Variants in KIF6 observed in about 807,000 individuals in gnomAD.
KIF6 encodes the protein kinesin family member 6.
Under a neutral mutation model 112.7 loss-of-function variants are expected in KIF6, and 106 were observed. That is an observed-to-expected ratio of 0.94 (90% CI 0.80 to 1.11). The LOEUF (loss-of-function observed/expected upper bound fraction) is 1.11, where lower values mean the gene tolerates loss of function less well. KIF6 is among the 50% of genes least tolerant of loss of function. The pLI is 0.00. For synonymous variants in KIF6, 339 were observed against 339.9 expected (o/e 1.00, Z 0.03); for missense variants, 929 against 964.0 (o/e 0.96, Z 0.48).
At chr6:39,635,076 T>C in intron 4 of KIF6, 118 bp from the exon 5 acceptor site, 2 of 637,622 alleles carry the variant, frequency 3.1e-6, no homozygotes, top group South Asian at 4.0e-5. Flanking sequence ...TCTCACTTTA[T>C]ATGGTTTACA....
chr6:39,609,360 G>A (rs937975009), intron 6 of KIF6, among the ~76,000 whole-genome samples: 2 of 152,112 alleles, frequency 1.3e-5, no homozygotes, highest in Non-Finnish European at 2.9e-5. Flanking sequence ...CACAGCAAAT[G>A]TTTTATACCA....
intron 10 of KIF6, among the ~76,000 whole-genome samples, chr6:39,559,334 C>T (rs985076379): frequency 6.6e-6 from 1 of 152,094 alleles, no homozygotes; most frequent in Non-Finnish European, 1.5e-5. Context: ...CTCCCCTCTT[C>T]AGGTGGTGTG....
Position 39,343,414 on chromosome 6 carries a change from C to A in KIF6, c.2428+295G>T. 1 of 1,371,684 alleles carries A rather than the reference C, an allele frequency of 7.3e-7. No homozygotes were observed. Among genetic ancestry groups the A allele is most frequent in the Non-Finnish European group, 9.6e-7 (1 of 1,042,422 alleles). The allele number at this position is 1,371,684 out of a possible 1,614,324, so 85.0% of individuals were successfully genotyped here. ...CAGAGGAGACAGCTGACTTTGGGAACAGAGAACAAAGGAGCTGAAGATCTG... is the reference window on the plus strand; with the variant it reads ...CAGAGGAGACAGCTGACTTTGGGAAAAGAGAACAAAGGAGCTGAAGATCTG... On this transcript the variant is annotated intron_variant, in intron 22 of 22. Transcript: ENST00000287152. The surrounding 1 kb of genome is among the most constrained non-coding windows in gnomAD (Gnocchi z 4.1).
chr6:39,693,226 G>A (rs1039362747), intron 3 of KIF6, among the ~76,000 whole-genome samples: 1 of 152,212 alleles, frequency 6.6e-6, no homozygotes, highest in Non-Finnish European at 1.5e-5. Flanking sequence ...CAAATCCAGA[G>A]ATATTAAGAC....
chr6:39,369,128 T>C (rs1400918274), intron 16 of KIF6, among the ~76,000 whole-genome samples: 2 of 152,232 alleles, frequency 1.3e-5, no homozygotes, highest in Admixed American at 6.5e-5. Context: ...CATAGCTCAA[T>C]TACCACAATG....
At chr6:39,562,231 T>C (rs950374853) in intron 10 of KIF6, among the ~76,000 whole-genome samples, 2 of 152,224 alleles carry the variant, frequency 1.3e-5, no homozygotes, top group African/African-American at 4.8e-5. Context: ...CTGGTTAATA[T>C]ACTTCTAACA....
At chr6:39,532,542 TG>T (rs1024374730) in intron 13 of KIF6, among the ~76,000 whole-genome samples, 1 of 152,180 alleles carries the variant, frequency 6.6e-6, no homozygotes, top group African/African-American at 2.4e-5. Context: ...TCACAATAAG[TG>T]GTAAAAACAG....
At chr6:39,339,682 C>T (rs547545070) in intron 22 of KIF6, among the ~76,000 whole-genome samples, 1 of 151,788 alleles carries the variant, frequency 6.6e-6, no homozygotes, top group African/African-American at 2.4e-5. Flanking sequence ...AAAAACTGTC[C>T]TTGGCAGTTG....
intron 15 of KIF6, among the ~76,000 whole-genome samples, chr6:39,414,432 G>A (rs1301494198): frequency 6.6e-6 from 1 of 152,184 alleles, no homozygotes; most frequent in African/African-American, 2.4e-5. Context: ...GTGGGACACT[G>A]AATCCTACCA....
intron 13 of KIF6, among the ~76,000 whole-genome samples, chr6:39,520,435 A>T (rs899872729): frequency 6.6e-6 from 1 of 152,236 alleles, no homozygotes; most frequent in African/African-American, 2.4e-5. Flanking sequence ...CACAACACAC[A>T]ATTCTCTGAG....
chr6:39,718,808 T>C (rs559984214), intron 2 of KIF6, among the ~76,000 whole-genome samples: 1 of 150,024 alleles, frequency 6.7e-6, no homozygotes, highest in Non-Finnish European at 1.5e-5. Flanking sequence ...AAGGATATAA[T>C]GAAAGACAAT....
intron 15 of KIF6, among the ~76,000 whole-genome samples, chr6:39,415,011 AC>A (rs1769798624): frequency 6.6e-6 from 1 of 151,638 alleles, no homozygotes; most frequent in East Asian, 1.9e-4. Flanking sequence ...AGATGGTGAA[AC>A]CCTGTCTCTA....
chr6:39,541,677 C>A (rs570409637), intron 12 of KIF6, among the ~76,000 whole-genome samples: 1 of 152,326 alleles, frequency 6.6e-6, no homozygotes, highest in East Asian at 1.9e-4. Flanking sequence ...CACATGCACA[C>A]ACACACAACA....
intron 13 of KIF6, among the ~76,000 whole-genome samples, chr6:39,525,077 C>A (rs1193979856): frequency 6.6e-6 from 1 of 152,148 alleles, no homozygotes; most frequent in South Asian, 2.1e-4. Flanking sequence ...TCAGTCTGGG[C>A]AATTTGTCTT....
intron 16 of KIF6, among the ~76,000 whole-genome samples, chr6:39,372,636 G>A (rs1203934198): frequency 6.6e-6 from 1 of 152,126 alleles, no homozygotes; most frequent in Non-Finnish European, 1.5e-5. Context: ...TAACACCCAT[G>A]TACTGACTAT....
At chr6:39,344,746 C>T (rs1022264879) in intron 21 of KIF6, among the ~76,000 whole-genome samples, 1 of 152,206 alleles carries the variant, frequency 6.6e-6, no homozygotes, top group African/African-American at 2.4e-5. Flanking sequence ...AGTGCTGTGT[C>T]CTCAGAGCAC....
At chr6:39,542,733 A>G (rs1778855878) in intron 12 of KIF6, among the ~76,000 whole-genome samples, 1 of 152,118 alleles carries the variant, frequency 6.6e-6, no homozygotes, top group African/African-American at 2.4e-5. Context: ...CATAACTCCA[A>G]TTACATCACA....
At chr6:39,432,978 T>C (rs1771267459) in intron 13 of KIF6, among the ~76,000 whole-genome samples, 1 of 149,300 alleles carries the variant, frequency 6.7e-6, no homozygotes, top group African/African-American at 2.5e-5. Flanking sequence ...GTGGGGGTGG[T>C]GGGTGAAAGG....
At chr6:39,548,382 A>G (rs1779178262) in intron 10 of KIF6, among the ~76,000 whole-genome samples, 1 of 152,184 alleles carries the variant, frequency 6.6e-6, no homozygotes, top group Non-Finnish European at 1.5e-5. Flanking sequence ...ACATGATCCA[A>G]AGAAATGGGC....
Sources: allele counts gnomAD v4.1 joint callset (sites outside exome capture counted in the v4.1 genomes callset), GRCh38; gene constraint gnomAD v4.1.1; non-coding constraint Gnocchi (gnomAD v3.1); transcripts MANE v1.5; gene names NCBI Gene and HGNC (gene_info 2026-07-23, HGNC 2026-07-21).